The following C7 variants were observed in gnomAD, a reference collection of about 807,000 sequenced individuals.
The protein encoded by C7 is complement component C7.
Under a neutral mutation model 104.8 loss-of-function variants are expected in C7, and 83 were observed. The ratio of observed to expected loss-of-function variants is 0.79; its 90% confidence interval spans 0.66 to 0.95. The LOEUF is 0.95. C7 is among the 40% of genes least tolerant of loss of function. The probability of loss-of-function intolerance (pLI) is 0.00; values close to 1 mark genes in which losing one functional copy is unlikely to be tolerated. For missense variants in C7, 1,070 were observed against 1,011.2 expected, an observed-to-expected ratio of 1.06 and a Z score of -0.79; for synonymous variants, 415 against 360.6, an observed-to-expected ratio of 1.15 and a Z score of -1.71.
chr5:40,927,394 G>A (rs1156553169), intron 1 of C7, among the ~76,000 whole-genome samples: 1 of 151,982 alleles, frequency 6.6e-6, no homozygotes, highest in South Asian at 2.1e-4. Context: ...ATAGACAAAT[G>A]GGATTACAAC....
intron 1 of C7, among the ~76,000 whole-genome samples, chr5:40,921,721 T>G (rs1739441924): frequency 6.6e-6 from 1 of 152,032 alleles, no homozygotes; most frequent in South Asian, 2.1e-4. Context: ...TACAACCAAC[T>G]CATTTCTGAC....
chr5:40,975,395 G>A (rs111385478), intron 15 of C7, among the ~76,000 whole-genome samples: 236 of 139,470 alleles, frequency 1.7e-3, no homozygotes, highest in African/African-American at 6.1e-3. Context: ...ACAAGGTCTC[G>A]CTTGTCCAGG....
At chr5:40,961,842 G>T (rs1740428549) in intron 12 of C7, among the ~76,000 whole-genome samples, 2 of 152,068 alleles carry the variant, frequency 1.3e-5, no homozygotes, top group Admixed American at 1.3e-4. Flanking sequence ...CTTTCTGTTT[G>T]TTTTTCATAC....
chr5:40,927,477 T>A lies in C7; in HGVS notation c.7-1103T>A, dbSNP rs991726337. On this transcript the variant is annotated intron_variant, in intron 1 of 17. Transcript: ENST00000313164. ...GAGATGTACAGATTGGGAGAAAATA[T>A]TTATAAGTCATACATTCAAGAAGAA... Among the ~76,000 whole-genome samples, 9 of 152,048 alleles carry A rather than the reference T, an allele frequency of 5.9e-5. No individual in the cohort carries two copies. The South Asian group carries it at 1.9e-3, about 32-fold the overall frequency.
At chr5:40,964,336 C>T (rs1430527555) in intron 13 of C7, 1 of 167,638 alleles carries the variant, frequency 6.0e-6, no homozygotes, top group South Asian at 1.6e-4. Context: ...AGACACCATG[C>T]CCGGCCTGGT....
At chr5:40,966,376 C>CTT (rs543978425) in intron 14 of C7, among the ~76,000 whole-genome samples, 8 of 144,670 alleles carry the variant, frequency 5.5e-5, no homozygotes, top group African/African-American at 1.8e-4. Flanking sequence ...GGTTTTCTTT[C>CTT]TTTTTTTTTT....
chr5:40,914,429 T>C (rs1326892053), intron 1 of C7, among the ~76,000 whole-genome samples: 1 of 152,228 alleles, frequency 6.6e-6, no homozygotes, highest in East Asian at 1.9e-4. Flanking sequence ...TTCACGCTGT[T>C]GATTATTTCT....
chr5:40,958,072 G>A lies in C7; in HGVS notation c.1300G>A (p.Ala434Thr). The A allele has an allele frequency of 6.2e-7, 1 of 1,613,644 alleles. No homozygotes were observed. The highest frequency in any genetic ancestry group is 8.5e-7 in the Non-Finnish European group (1 of 1,179,684). ...LYELVKEVPC[A>T]SVKKLYLKWA... ...TGAGCTGGTAAAGGAAGTACCTTGT[G>A]CCTCTGTGAAAAAACTATACCTGAA... The change falls in exon 11 of 18, where the codon GCC becomes ACC. Residue 434 changes from alanine (A) to threonine (T), a missense_variant. Ala to Thr is a moderately conservative substitution (Grantham distance 58). Coordinates refer to ENST00000313164, the MANE Select transcript of C7 (RefSeq NM_000587.4).
At chr5:40,957,740 G>A (rs929866477) in intron 10 of C7, among the ~76,000 whole-genome samples, 7 of 149,116 alleles carry the variant, frequency 4.7e-5, no homozygotes, top group African/African-American at 1.2e-4. Context: ...ACAGGCGTGA[G>A]TCATCGCGCC....
rs372551834 is a variant in C7, at chr5:40,978,873, A to ATTTTTTTTTTTTTTTTTTTTT, written c.2166-848_2166-828dup. ...GAGGAAGGTAACACATTTTATGGAA[A>ATTTTTTTTTTTTTTTTTTTTT]TTTTTTTTTTTTTTTTTTTTTTTTG... On this transcript the variant is annotated intron_variant, in intron 16 of 17. Transcript: ENST00000313164. 7.5e-5 allele frequency among the ~76,000 whole-genome samples: 6 copies of ATTTTTTTTTTTTTTTTTTTTT among 80,088 alleles called. 1 individual carries two copies. Among genetic ancestry groups the ATTTTTTTTTTTTTTTTTTTTT allele is most frequent in the Non-Finnish European group, 1.0e-4 (4 of 40,180 alleles). 52.5% of individuals were successfully genotyped at this position (80,088 alleles called of 152,430 possible). A position where few individuals can be genotyped will look rare whatever the true frequency, so the allele number is the denominator to read the frequency against.
intron 14 of C7, among the ~76,000 whole-genome samples, chr5:40,968,389 G>C (rs1025210133): frequency 1.3e-5 from 2 of 151,628 alleles, no homozygotes; most frequent in African/African-American, 4.8e-5. Context: ...GCCTCCCAAA[G>C]TGCTGGGACT....
chr5:40,965,283 T>G (rs1740518734), intron 14 of C7, among the ~76,000 whole-genome samples: 1 of 152,184 alleles, frequency 6.6e-6, no homozygotes. Flanking sequence ...CTAAAACTAC[T>G]CTGGCTTCCA....
At chr5:40,978,960 A>G (rs1282650482) in intron 16 of C7, among the ~76,000 whole-genome samples, 3 of 141,092 alleles carry the variant, frequency 2.1e-5, no homozygotes, top group Non-Finnish European at 4.5e-5. Context: ...GCTCACTGCA[A>G]CCTCTGCCTC....
At chr5:40,937,828 TA>T in intron 6 of C7, 138 bp downstream of exon 6, 2 of 750,226 alleles carry the variant, frequency 2.7e-6, no homozygotes, top group South Asian at 2.2e-5. Flanking sequence ...TATGTTGACT[TA>T]AAAAGTATAC....
At chr5:40,950,622 C>G (rs1033304997) in intron 9 of C7, among the ~76,000 whole-genome samples, 1 of 152,202 alleles carries the variant, frequency 6.6e-6, no homozygotes, top group African/African-American at 2.4e-5. Context: ...TCTCTGCTCT[C>G]TCTTTCATGT....
intron 3 of C7, among the ~76,000 whole-genome samples, chr5:40,934,023 T>C (rs953590632): frequency 1.3e-5 from 2 of 151,098 alleles, no homozygotes; most frequent in Non-Finnish European, 2.9e-5. Context: ...GCAATCAGGT[T>C]ACTTTCTTAA....
At position 40,943,561 on chromosome 5, in the gene C7, ATT is replaced by A. The variant is rs200070748; in HGVS notation, c.568-1624_568-1623del. Reference sequence around the variant, plus strand: ...TATAAAGACAGGCGGAAATAGGCTAATTTTTTTTTTTTTTGCATTGAAAGGGA... The same window carrying A: ...TATAAAGACAGGCGGAAATAGGCTAATTTTTTTTTTTTGCATTGAAAGGGA... On this transcript the variant is annotated intron_variant, in intron 6 of 17. Coordinates refer to ENST00000313164, the MANE Select transcript of C7 (RefSeq NM_000587.4). Among the ~76,000 whole-genome samples the A allele has an allele frequency of 2.6e-3, 374 of 144,296 alleles. 4 individuals are homozygous for A. Among genetic ancestry groups the A allele is most frequent in the African/African-American group, 8.7e-3 (344 of 39,414 alleles). The allele number at this position is 144,296 out of a possible 152,430, so 94.7% of individuals were successfully genotyped here. A position where few individuals can be genotyped will look rare whatever the true frequency, so the allele number is the denominator to read the frequency against.
chr5:40,919,576 T>C (rs1283768214), intron 1 of C7, among the ~76,000 whole-genome samples: 1 of 152,094 alleles, frequency 6.6e-6, no homozygotes, highest in African/African-American at 2.4e-5. Context: ...GCAGTAGCTA[T>C]GACTGTGCGA....
At chr5:40,922,696 CAA>C (rs780972661) in intron 1 of C7, among the ~76,000 whole-genome samples, 6 of 114,038 alleles carry the variant, frequency 5.3e-5, no homozygotes, top group Admixed American at 9.0e-5. Context: ...GTGAGACTGT[CAA>C]AAAAAAAAAA....
Sources: gnomAD v4.1 joint callset for allele counts (sites outside exome capture counted in the v4.1 genomes callset) on GRCh38, gnomAD v4.1.1 for gene constraint, MANE v1.5 for transcripts, NCBI Gene and HGNC (gene_info 2026-07-23, HGNC 2026-07-21) for gene names.